GRIK4: variants seen among roughly 807,000 people sequenced by gnomAD.
GRIK4 encodes glutamate ionotropic receptor kainate type subunit 4.
A neutral mutation model predicts 104.9 loss-of-function variants in GRIK4; 40 were observed. The observed-to-expected ratio is 0.38, with a 90% CI of 0.30 to 0.50. The LOEUF (loss-of-function observed/expected upper bound fraction) is 0.50. Among genes scored for constraint, GRIK4 ranks in the 20% least tolerant of loss-of-function variants. GRIK4 has a pLI of 0.93. For missense variants in GRIK4, 1,047 were observed against 1,308.1 expected, an observed-to-expected ratio of 0.80 and a Z score of 3.08; for synonymous variants, 485 against 524.9, an observed-to-expected ratio of 0.92 and a Z score of 1.04.
At chr11:120,712,624 A>T (rs749738948) in intron 3 of GRIK4, among the ~76,000 whole-genome samples, 1,024 of 88,546 alleles carry the variant, frequency 0.012, 6 homozygotes, top group Non-Finnish European at 0.016. Flanking sequence ...CCTGTCTCTT[A>T]AAAAAAAAAA....
intron 3 of GRIK4, among the ~76,000 whole-genome samples, chr11:120,661,225 G>A (rs1453827083): frequency 2.0e-5 from 3 of 152,206 alleles, no homozygotes; most frequent in African/African-American, 7.2e-5. Flanking sequence ...TCGGGGATCA[G>A]GGGTGTCTAT....
intron 3 of GRIK4, among the ~76,000 whole-genome samples, chr11:120,699,239 ACTC>A (rs936959593): frequency 2.0e-5 from 3 of 150,474 alleles, no homozygotes; most frequent in African/African-American, 7.4e-5. Context: ...TCCCAGCACT[ACTC>A]CTCCAAAGCC....
chr11:120,735,689 G>A (rs1951209005), intron 3 of GRIK4, among the ~76,000 whole-genome samples: 1 of 58,800 alleles, frequency 1.7e-5, no homozygotes, highest in Non-Finnish European at 3.8e-5. Context: ...AGGGATTGGA[G>A]TGAAAAAAAA....
At chr11:120,870,988 T>A (rs973085548) in intron 9 of GRIK4, 1 of 152,804 alleles carries the variant, frequency 6.5e-6, no homozygotes, top group Non-Finnish European at 1.5e-5. Flanking sequence ...CTCAAAGTGA[T>A]CCACCTGCCT....
At chr11:120,809,270 C>A (rs1252388552) in intron 4 of GRIK4, among the ~76,000 whole-genome samples, 1 of 152,142 alleles carries the variant, frequency 6.6e-6, no homozygotes, top group Non-Finnish European at 1.5e-5. Flanking sequence ...GCCACTACAC[C>A]CCATCATGGC....
At chr11:120,924,188 GT>G (rs1455132718) in intron 13 of GRIK4, among the ~76,000 whole-genome samples, 2 of 152,124 alleles carry the variant, frequency 1.3e-5, no homozygotes, top group Non-Finnish European at 2.9e-5. Flanking sequence ...ACATCCAGAT[GT>G]GCATTTTACC....
chr11:120,661,423 C>T (rs958527942), intron 3 of GRIK4, among the ~76,000 whole-genome samples: 1 of 152,210 alleles, frequency 6.6e-6, no homozygotes, highest in African/African-American at 2.4e-5. Flanking sequence ...CCACATGAGG[C>T]CCCTCTTCCC....
At chr11:120,671,631 C>T (rs1213693422) in intron 3 of GRIK4, among the ~76,000 whole-genome samples, 1 of 152,098 alleles carries the variant, frequency 6.6e-6, no homozygotes, top group East Asian at 1.9e-4. Context: ...GATATTAGCC[C>T]TTGTCAGATG....
chr11:120,969,251 C>G (rs990537286), intron 19 of GRIK4, among the ~76,000 whole-genome samples: 1 of 152,036 alleles, frequency 6.6e-6, no homozygotes, highest in Non-Finnish European at 1.5e-5. Flanking sequence ...GATTACTTCT[C>G]CTTGTTCAGA....
intron 1 of GRIK4, among the ~76,000 whole-genome samples, chr11:120,514,034 A>G (rs1947693316): frequency 6.6e-6 from 1 of 152,132 alleles, no homozygotes; most frequent in Non-Finnish European, 1.5e-5. Context: ...TCCAGGAGAG[A>G]GGAGCTCAGC....
intron 1 of GRIK4, among the ~76,000 whole-genome samples, chr11:120,614,642 G>A (rs990884201): frequency 1.3e-5 from 2 of 152,148 alleles, no homozygotes; most frequent in Non-Finnish European, 2.9e-5. Flanking sequence ...GCTACCCTAC[G>A]GTTCTAGGAG....
intron 1 of GRIK4, chr11:120,576,625 G>A (rs1948487998): frequency 6.6e-6 from 1 of 152,370 alleles, no homozygotes; most frequent in Admixed American, 6.5e-5. Flanking sequence ...AATGTGTAGT[G>A]TTTAATGCAA....
chr11:120,667,604 G>A lies in GRIK4; in HGVS notation c.82+7204G>A, dbSNP rs374723866. Among the ~76,000 whole-genome samples, 216 of 152,362 alleles carry A rather than the reference G, an allele frequency of 1.4e-3. 2 individuals carry two copies. The South Asian group carries it at 0.031, about 22-fold the overall frequency. The stretch of plus-strand genomic sequence containing the variant: ...ATCAGCTTTACGGGGGCTGGGGCTC[G>A]GCTCGGTGGGTAGTGTGGGCAGCAG... On this transcript the variant is annotated intron_variant, in intron 3 of 20. Transcript: ENST00000527524.
chr11:120,851,733 A>G (rs1953979280), intron 8 of GRIK4, among the ~76,000 whole-genome samples: 1 of 151,662 alleles, frequency 6.6e-6, no homozygotes, highest in African/African-American at 2.4e-5. Flanking sequence ...AACCTATCTG[A>G]GAGCCTGGTG....
At chr11:120,914,164 C>T (rs895111681) in intron 13 of GRIK4, among the ~76,000 whole-genome samples, 11 of 139,582 alleles carry the variant, frequency 7.9e-5, no homozygotes, top group Non-Finnish European at 1.4e-4. Flanking sequence ...TGACAAGCAC[C>T]GCTTGGATAT....
At chr11:120,849,910 T>A (rs183462576) in intron 8 of GRIK4, among the ~76,000 whole-genome samples, 1 of 152,378 alleles carries the variant, frequency 6.6e-6, no homozygotes, top group Non-Finnish European at 1.5e-5. Context: ...GGCTGAAATC[T>A]AAGTGTCACC....
chr11:120,673,353 C>T lies in GRIK4; in HGVS notation c.82+12953C>T, dbSNP rs977243816. Reference sequence around the variant, plus strand: ...AAAGCTTTTGGAAGGCAGAGATGGGCGGTCTCACGGACACAGAGGCAGCCC... The same window carrying T: ...AAAGCTTTTGGAAGGCAGAGATGGGTGGTCTCACGGACACAGAGGCAGCCC... On this transcript the variant is annotated intron_variant, in intron 3 of 20. Transcript: ENST00000527524. Among the ~76,000 whole-genome samples the T allele has an allele frequency of 2.0e-4, 30 of 152,300 alleles. No individual in the cohort carries two copies. In the South Asian group the frequency reaches 2.3e-3, roughly 12 times the overall value.
chr11:120,858,303 GA>G (rs1311782625), intron 8 of GRIK4: 3 of 152,130 alleles, frequency 2.0e-5, no homozygotes, highest in Non-Finnish European at 2.9e-5. Flanking sequence ...TTCCATTCCT[GA>G]AATGTGTTCG....
intron 1 of GRIK4, among the ~76,000 whole-genome samples, chr11:120,589,837 C>A (rs987849841): frequency 6.6e-6 from 1 of 152,126 alleles, no homozygotes; most frequent in African/African-American, 2.4e-5. Flanking sequence ...CACACACAGT[C>A]CTGCTTGGGC....
Sources: gnomAD v4.1 joint callset for allele counts (sites outside exome capture counted in the v4.1 genomes callset) on GRCh38, gnomAD v4.1.1 for gene constraint, MANE v1.5 for transcripts, NCBI Gene and HGNC (gene_info 2026-07-23, HGNC 2026-07-21) for gene names.